The following RNGTT variants were observed in gnomAD, a reference collection of about 807,000 sequenced individuals.
RNGTT encodes mRNA-capping enzyme.
A neutral mutation model predicts 79.3 loss-of-function variants in RNGTT; 33 were observed. That is an observed-to-expected ratio of 0.42 (90% CI 0.32 to 0.56). The LOEUF is 0.56. Among genes scored for constraint, RNGTT ranks in the 20% least tolerant of loss-of-function variants. RNGTT has a pLI of 0.17. For missense variants in RNGTT, 497 were observed against 739.1 expected (o/e 0.67, Z 3.80); for synonymous variants, 222 against 235.9 (o/e 0.94, Z 0.54).
At chr6:88,929,736 T>C (rs1266968817) in intron 2 of RNGTT, among the ~76,000 whole-genome samples, 3 of 151,938 alleles carry the variant, frequency 2.0e-5, no homozygotes, top group Non-Finnish European at 4.4e-5. Flanking sequence ...TTAATATCTA[T>C]TGACTACACC....
intron 13 of RNGTT, among the ~76,000 whole-genome samples, chr6:88,682,993 TA>T (rs1256474848): frequency 6.6e-6 from 1 of 152,092 alleles, no homozygotes; most frequent in East Asian, 1.9e-4. Flanking sequence ...ATCCAAGTTA[TA>T]AAGAAATTTA....
At chr6:88,749,967 T>A (rs1288717395) in intron 13 of RNGTT, among the ~76,000 whole-genome samples, 6 of 152,136 alleles carry the variant, frequency 3.9e-5, no homozygotes, top group African/African-American at 1.4e-4. Context: ...AGCACTTCAG[T>A]CTCTGCCTCC....
chr6:88,660,549 T>TA (rs139978224), intron 14 of RNGTT, among the ~76,000 whole-genome samples: 4,479 of 144,274 alleles, frequency 0.031, 191 homozygotes, highest in African/African-American at 0.097. Flanking sequence ...GCAACAATGG[T>TA]AAAAAAAAAG....
chr6:88,932,511 G>A (rs1036348762), intron 2 of RNGTT, among the ~76,000 whole-genome samples: 10 of 152,078 alleles, frequency 6.6e-5, no homozygotes, highest in Non-Finnish European at 1.2e-4. Flanking sequence ...CTGGTTTTGC[G>A]GCTCAGGGGG....
chr6:88,762,183 C>G (rs1778288784), intron 13 of RNGTT, among the ~76,000 whole-genome samples: 1 of 152,126 alleles, frequency 6.6e-6, no homozygotes, highest in African/African-American at 2.4e-5. Flanking sequence ...TCCACAAATA[C>G]AACCTGCGGT....
At chr6:88,637,265 A>C (rs1178956198) in intron 14 of RNGTT, among the ~76,000 whole-genome samples, 2 of 152,136 alleles carry the variant, frequency 1.3e-5, no homozygotes. Flanking sequence ...ACAGAACTAA[A>C]CTGAAGAAAT....
Position 88,684,105 on chromosome 6 carries a change from A to G in RNGTT, c.1440-5686T>C, listed in dbSNP as rs1775189753. On this transcript the variant is annotated intron_variant, in intron 13 of 15. Transcript: ENST00000369485. The stretch of plus-strand genomic sequence containing the variant: ...AGAAACCTCACAAAAGAAGATATGC[A>G]GATAGCAAGTGGTTATATGAAAAGA... Among the ~76,000 whole-genome samples the G allele has an allele frequency of 7.2e-5, 11 of 152,326 alleles. No homozygotes were observed. In the South Asian group the frequency reaches 2.3e-3, roughly 32 times the overall value.
intron 11 of RNGTT, among the ~76,000 whole-genome samples, chr6:88,821,470 A>G (rs1780494277): frequency 6.6e-6 from 1 of 152,118 alleles, no homozygotes; most frequent in South Asian, 2.1e-4. Context: ...CTATCCAATA[A>G]TACAAAAAGA....
intron 13 of RNGTT, among the ~76,000 whole-genome samples, chr6:88,703,558 G>A (rs1321486866): frequency 6.6e-6 from 1 of 152,194 alleles, no homozygotes; most frequent in Non-Finnish European, 1.5e-5. Context: ...AGGGAGGCAG[G>A]CAAGGGTTGA....
intron 13 of RNGTT, among the ~76,000 whole-genome samples, chr6:88,680,156 C>T (rs1363986919): frequency 6.6e-6 from 1 of 152,158 alleles, no homozygotes. Flanking sequence ...AAAATTAGAA[C>T]ACAAGATTAT....
intron 8 of RNGTT, among the ~76,000 whole-genome samples, chr6:88,890,279 T>C (rs78496938): frequency 0.012 from 1,902 of 152,298 alleles, 41 homozygotes; most frequent in African/African-American, 0.042. Context: ...TTAAACTAGC[T>C]AAGCTCTGAA....
intron 11 of RNGTT, among the ~76,000 whole-genome samples, chr6:88,824,776 A>C (rs1312653747): frequency 6.9e-6 from 1 of 145,136 alleles, no homozygotes; most frequent in African/African-American, 2.6e-5. Flanking sequence ...CTTTTTGGAG[A>C]CGTCTTACTC....
At chr6:88,678,185 G>C in intron 14 of RNGTT, 168 bp downstream of exon 14, 1 of 1,252,976 alleles carries the variant, frequency 8.0e-7, no homozygotes, top group Non-Finnish European at 1.0e-6. Context: ...GTAGAGACAG[G>C]GTTCCCAGCA....
At chr6:88,936,909 A>G (rs1008936331) in intron 2 of RNGTT, among the ~76,000 whole-genome samples, 1 of 152,186 alleles carries the variant, frequency 6.6e-6, no homozygotes, top group African/African-American at 2.4e-5. Flanking sequence ...GAAATGTTTC[A>G]TTACTGATTA....
At chr6:88,958,354 AC>A (rs1446589311) in intron 1 of RNGTT, among the ~76,000 whole-genome samples, 1 of 152,200 alleles carries the variant, frequency 6.6e-6, no homozygotes, top group Admixed American at 6.5e-5. Flanking sequence ...TGCAACAAAA[AC>A]AAAAATAAAT....
At chr6:88,829,024 G>T (rs1185247484) in intron 11 of RNGTT, among the ~76,000 whole-genome samples, 1 of 152,026 alleles carries the variant, frequency 6.6e-6, no homozygotes, top group Admixed American at 6.6e-5. Context: ...TCAAATTCAG[G>T]AATTACAGAG....
chr6:88,801,222 A>T (rs963352381), intron 12 of RNGTT, among the ~76,000 whole-genome samples: 1 of 152,232 alleles, frequency 6.6e-6, no homozygotes, highest in Non-Finnish European at 1.5e-5. Flanking sequence ...AAGTTACAAA[A>T]GGAAATAAAC....
chr6:88,912,912 A>C (rs1201005062), intron 4 of RNGTT, among the ~76,000 whole-genome samples: 1 of 152,090 alleles, frequency 6.6e-6, no homozygotes, highest in Non-Finnish European at 1.5e-5. Context: ...TACCAACCCC[A>C]AAAAAGCCCT....
chr6:88,929,240 T>G lies in RNGTT; in HGVS notation c.202A>C (p.Thr68Pro). 9 of 1,606,750 alleles carry G rather than the reference T, an allele frequency of 5.6e-6. No individual in the cohort carries two copies. The highest frequency in any genetic ancestry group is 6.8e-6 in the Non-Finnish European group (8 of 1,176,880). The change falls in exon 3 of 16, where the codon ACA (threonine) becomes CCA (proline). Residue 68 changes from threonine (T) to proline (P), a missense_variant. Thr to Pro is a conservative substitution (Grantham distance 38, BLOSUM62 -1). This residue lies in a region of RNGTT where 440 missense variants were observed against 671.5 expected (regional missense o/e 0.66). Coordinates refer to ENST00000369485, the MANE Select transcript of RNGTT (RefSeq NM_003800.5). ...CGGTCATAGAACCTTGAAGTATTTG[T>G]CAGGTCCACCAACAAGCCCATTTTA... ...KVKMGLLVDL[T>P]NTSRFYDRND... is the part of the protein sequence containing the mutation.
Sources: gnomAD v4.1 joint callset for allele counts (sites outside exome capture counted in the v4.1 genomes callset) on GRCh38, gnomAD v4.1.1 for gene constraint, gnomAD v4.1.1 regional missense constraint, MANE v1.5 for transcripts, NCBI Gene and HGNC (gene_info 2026-07-23, HGNC 2026-07-21) for gene names.